Variants in FNBP4 observed in about 807,000 individuals in gnomAD.
FNBP4 encodes the protein formin-binding protein 4.
A neutral mutation model predicts 119.3 loss-of-function variants in FNBP4; 34 were observed. That is an observed-to-expected ratio of 0.28 (90% CI 0.22 to 0.38). FNBP4 has a LOEUF of 0.38. FNBP4 is among the 10% of genes least tolerant of loss of function. The pLI, the probability that FNBP4 is intolerant of heterozygous loss-of-function variation, is 1.00. For synonymous variants in FNBP4, 462 were observed against 430.6 expected (o/e 1.07, Z -0.90); for missense variants, 1,112 against 1,228.9 (o/e 0.90, Z 1.42).
chr11:47,728,396 C>T (rs1162256104), intron 12 of FNBP4, among the ~76,000 whole-genome samples: 2 of 151,648 alleles, frequency 1.3e-5, no homozygotes, highest in Admixed American at 1.3e-4. Context: ...ATTACAGGCA[C>T]CCGCCACGAC....
rs957257483 is a variant in FNBP4 at position 47,717,288 on chromosome 11, C to T, written c.*134G>A. On this transcript the variant is annotated 3_prime_UTR_variant, in exon 17 of 17. Coordinates refer to ENST00000263773, the MANE Select transcript of FNBP4 (RefSeq NM_015308.5). ...TTCACAAAAGTGAAAACTTTGTATG[C>T]ATACACTCTTGCCCAGGAAATTTAT... 4.9e-6 allele frequency: 3 copies of T among 616,542 alleles called. No individual in the cohort carries two copies. The highest frequency in any genetic ancestry group is 8.4e-6 in the Non-Finnish European group (3 of 358,680). The allele number at this position is 616,542 out of a possible 1,614,324, so 38.2% of individuals were successfully genotyped here. A position where few individuals can be genotyped will look rare whatever the true frequency, so the allele number is the denominator to read the frequency against.
intron 9 of FNBP4, among the ~76,000 whole-genome samples, chr11:47,734,653 G>C (rs969439807): frequency 6.6e-6 from 1 of 152,148 alleles, no homozygotes. Context: ...GGAGATGTTG[G>C]TCAAAGAATA....
intron 8 of FNBP4, among the ~76,000 whole-genome samples, chr11:47,742,685 C>T (rs565987178): frequency 4.7e-5 from 7 of 150,262 alleles, no homozygotes; most frequent in East Asian, 2.0e-4. Context: ...GTCAGGAGTT[C>T]GAGACCAGCC....
chr11:47,743,285 T>G (rs1428741309), intron 8 of FNBP4, among the ~76,000 whole-genome samples: 1 of 151,930 alleles, frequency 6.6e-6, no homozygotes, highest in East Asian at 1.9e-4. Context: ...GAGTTCGAGA[T>G]CAGCCTGGCC....
chr11:47,751,306 A>G lies in FNBP4; in HGVS notation c.638-16T>C. On this transcript the variant is annotated splice_polypyrimidine_tract_variant and intron_variant, in intron 4 of 16. Coordinates refer to ENST00000263773, the MANE Select transcript of FNBP4 (RefSeq NM_015308.5). ...TCAATTCCGACTAGAAGATAAAACA[A>G]ATTTTAAGCACAAATCCCTCTACAA... 1 of 1,613,704 alleles carries G rather than the reference A, an allele frequency of 6.2e-7. No individual in the cohort carries two copies. The highest frequency in any genetic ancestry group is 8.5e-7 in the Non-Finnish European group (1 of 1,179,780).
chr11:47,719,879 T>C (rs1414773576), intron 16 of FNBP4, 50 bp downstream of exon 16: 2 of 1,601,976 alleles, frequency 1.2e-6, no homozygotes, highest in African/African-American at 2.7e-5. Context: ...TCATAGTAGG[T>C]CTCAACCTAC....
intron 2 of FNBP4, 142 bp from the exon 3 acceptor site, chr11:47,754,806 C>T (rs2097612973): frequency 1.2e-6 from 1 of 848,996 alleles, no homozygotes; most frequent in African/African-American, 1.7e-5. Flanking sequence ...CACTGAACTA[C>T]CACAGAAGAA....
chr11:47,748,257 A>G (rs969120987), intron 6 of FNBP4, among the ~76,000 whole-genome samples: 3 of 151,370 alleles, frequency 2.0e-5, no homozygotes, highest in Non-Finnish European at 4.4e-5. Context: ...AAAAAATAAT[A>G]AAAATAAAAA....
intron 12 of FNBP4, among the ~76,000 whole-genome samples, chr11:47,727,733 C>T (rs1014007849): frequency 4.6e-5 from 7 of 152,268 alleles, no homozygotes; most frequent in South Asian, 4.1e-4. Flanking sequence ...CTTTATCTTA[C>T]GAAGACCATC....
At chr11:47,765,450 T>A in intron 1 of FNBP4, 88 bp from the exon 2 acceptor site, 1 of 955,564 alleles carries the variant, frequency 1.0e-6, no homozygotes, top group Non-Finnish European at 1.6e-6. Context: ...GAGAAAACAC[T>A]AGAGGTGACA....
intron 6 of FNBP4, among the ~76,000 whole-genome samples, chr11:47,749,829 G>A (rs1442055788): frequency 6.6e-6 from 1 of 152,076 alleles, no homozygotes; most frequent in Non-Finnish European, 1.5e-5. Flanking sequence ...CAACTGCTAA[G>A]TATAACGCAA....
intron 7 of FNBP4, among the ~76,000 whole-genome samples, 199 bp from the exon 8 acceptor site, chr11:47,744,362 C>G (rs934770000): frequency 4.6e-5 from 7 of 151,970 alleles, no homozygotes; most frequent in Admixed American, 3.3e-4. Flanking sequence ...TAGCTACAAC[C>G]TTCTGAGCTC....
At chr11:47,766,529 T>C (rs2097648066) in intron 1 of FNBP4, among the ~76,000 whole-genome samples, 2 of 152,200 alleles carry the variant, frequency 1.3e-5, no homozygotes, top group African/African-American at 4.8e-5. Flanking sequence ...TCACTTTTAA[T>C]CTAAGCACCA....
chr11:47,727,872 A>T (rs1049093432), intron 12 of FNBP4, among the ~76,000 whole-genome samples: 1 of 152,162 alleles, frequency 6.6e-6, no homozygotes, highest in African/African-American at 2.4e-5. Flanking sequence ...AGGACAGATT[A>T]AAGTGGTATA....
intron 15 of FNBP4, among the ~76,000 whole-genome samples, chr11:47,722,747 G>C: frequency 6.6e-6 from 1 of 151,870 alleles, no homozygotes; most frequent in African/African-American, 2.4e-5. Context: ...CGTGCCACCA[G>C]GCCCAGCTAA....
In FNBP4 at chr11:47,767,339, A is replaced by ACTGGAGGCTGGGCGCTGGGCC. The variant is rs1456908723; in HGVS notation, c.-52_-51insGGCCCAGCGCCCAGCCTCCAG. The ACTGGAGGCTGGGCGCTGGGCC allele has an allele frequency of 2.8e-6, 4 of 1,419,584 alleles. No homozygotes were observed. The highest frequency in any genetic ancestry group is 2.4e-4 in the Middle Eastern group (1 of 4,108). 87.9% of individuals were successfully genotyped at this position (1,419,584 alleles called of 1,614,324 possible). A position where few individuals can be genotyped will look rare whatever the true frequency, so the allele number is the denominator to read the frequency against. ...CGTCGGGCGGCCGAGAGGGGCGGGC[A>ACTGGAGGCTGGGCGCTGGGCC]CTGGAGGCTGGGCGCTGGGCCCTGG... On this transcript the variant is annotated 5_prime_UTR_variant, in exon 1 of 17. Coordinates refer to ENST00000263773, the MANE Select transcript of FNBP4 (RefSeq NM_015308.5).
intron 12 of FNBP4, chr11:47,729,777 T>G (rs2097565349): frequency 1.0e-6 from 1 of 985,320 alleles, no homozygotes; most frequent in Non-Finnish European, 1.2e-6. Context: ...CTGAGCTGAT[T>G]AAGAGCTCTC....
intron 12 of FNBP4, among the ~76,000 whole-genome samples, chr11:47,728,178 C>T (rs1399337881): frequency 4.6e-5 from 7 of 151,546 alleles, no homozygotes; most frequent in Middle Eastern, 3.4e-3. Context: ...ACTTGGCCTA[C>T]GCAGCTTTTA....
At chr11:47,725,895 T>C (rs1351646801) in intron 12 of FNBP4, 1 of 618,014 alleles carries the variant, frequency 1.6e-6, no homozygotes, top group Non-Finnish European at 2.0e-6. Flanking sequence ...TTCAACCTCC[T>C]CAGTTAAAGG....
Sources: gnomAD v4.1 joint callset for allele counts (sites outside exome capture counted in the v4.1 genomes callset) on GRCh38, gnomAD v4.1.1 for gene constraint, MANE v1.5 for transcripts, NCBI Gene and HGNC (gene_info 2026-07-23, HGNC 2026-07-21) for gene names.